The following TMEM132C variants were observed in gnomAD, a reference collection of about 807,000 sequenced individuals.
TMEM132C encodes transmembrane protein 132C, also known as protein phosphatase 1, regulatory subunit 152.
Under a neutral mutation model 61.4 loss-of-function variants are expected in TMEM132C, and 29 were observed. That is an observed-to-expected ratio of 0.47 (90% confidence interval 0.35 to 0.64). The LOEUF is 0.64. Among genes scored for constraint, TMEM132C ranks in the 30% least tolerant of loss-of-function variants. The pLI is 0.00. For missense variants in TMEM132C, 1,408 were observed against 1,476.9 expected (o/e 0.95, Z 0.76); for synonymous variants, 656 against 633.1 (o/e 1.04, Z -0.54).
At chr12:128,636,961 A>G (rs1954109126) in intron 4 of TMEM132C, among the ~76,000 whole-genome samples, 1 of 152,018 alleles carries the variant, frequency 6.6e-6, no homozygotes, top group African/African-American at 2.4e-5. Context: ...TGACTGAGTA[A>G]TATTCTACTG....
intron 2 of TMEM132C, among the ~76,000 whole-genome samples, chr12:128,478,294 ATT>A (rs975663121): frequency 6.6e-6 from 1 of 152,058 alleles, no homozygotes; most frequent in Non-Finnish European, 1.5e-5. Flanking sequence ...TTGTTTTTTT[ATT>A]TTTTTATTTT....
At chr12:128,575,433 G>T (rs149039821) in intron 3 of TMEM132C, among the ~76,000 whole-genome samples, 3,672 of 152,134 alleles carry the variant, frequency 0.024, 129 homozygotes, top group African/African-American at 0.075. Context: ...GGGCCAAGAT[G>T]GCGCCATTGC....
intron 2 of TMEM132C, among the ~76,000 whole-genome samples, chr12:128,509,807 A>C (rs1291920427): frequency 6.6e-6 from 1 of 152,152 alleles, no homozygotes; most frequent in African/African-American, 2.4e-5. Flanking sequence ...ACTCATTTTT[A>C]AAAATAAGGC....
chr12:128,324,832 A>T (rs910804775), intron 1 of TMEM132C, among the ~76,000 whole-genome samples: 5 of 152,178 alleles, frequency 3.3e-5, no homozygotes, highest in Admixed American at 2.6e-4. Context: ...TACCTCAAAA[A>T]AATTTTAAAA....
rs191622592 is a variant in TMEM132C at position 128,489,198 on chromosome 12, G to A, written c.975-54759G>A. ...TCCACCCCAGTCAGTACTGATGGGG[G>A]CGTTTTCCTGCTAGACGAGGGTGGA... On this transcript the variant is annotated intron_variant, in intron 2 of 8. Transcript: ENST00000435159. Among the ~76,000 whole-genome samples, 883 of 152,116 alleles carry A rather than the reference G, an allele frequency of 5.8e-3. 8 individuals are homozygous for A. The highest frequency in any genetic ancestry group is 0.02 in the African/African-American group (849 of 41,476).
At chr12:128,540,845 G>C (rs35005576) in intron 2 of TMEM132C, among the ~76,000 whole-genome samples, 69,346 of 151,246 alleles carry the variant, frequency 0.46, 18,451 homozygotes, top group Non-Finnish European at 0.6. Context: ...AATCGTCAGG[G>C]CCCGCGGGTC....
intron 5 of TMEM132C, among the ~76,000 whole-genome samples, chr12:128,672,551 A>G (rs1954542871): frequency 6.6e-6 from 1 of 152,186 alleles, no homozygotes; most frequent in African/African-American, 2.4e-5. Flanking sequence ...CAAACAGAAA[A>G]TTGCCTCCTG....
chr12:128,370,352 G>A (rs1392746493), intron 1 of TMEM132C, among the ~76,000 whole-genome samples: 4 of 152,146 alleles, frequency 2.6e-5, no homozygotes, highest in Admixed American at 2.6e-4. Flanking sequence ...AAATGTTCCT[G>A]TATGGGACAA....
At chr12:128,558,533 G>C (rs1874406282) in intron 3 of TMEM132C, among the ~76,000 whole-genome samples, 2 of 152,238 alleles carry the variant, frequency 1.3e-5, no homozygotes, top group African/African-American at 4.8e-5. Context: ...GCTGAACTGA[G>C]AGTCAATTAA....
chr12:128,600,861 C>A (rs1039353145), intron 3 of TMEM132C, among the ~76,000 whole-genome samples: 1 of 152,154 alleles, frequency 6.6e-6, no homozygotes, highest in Admixed American at 6.5e-5. Flanking sequence ...GTAGAGAAAG[C>A]CTTCTGTTTT....
intron 3 of TMEM132C, among the ~76,000 whole-genome samples, chr12:128,590,542 G>A (rs564146513): frequency 2.0e-5 from 3 of 152,124 alleles, no homozygotes; most frequent in Admixed American, 1.3e-4. Context: ...GAGGGACTCC[G>A]GGTCTCCCCC....
intron 1 of TMEM132C, among the ~76,000 whole-genome samples, chr12:128,359,060 A>G (rs968426889): frequency 2.6e-5 from 4 of 152,196 alleles, no homozygotes; most frequent in African/African-American, 7.2e-5. Flanking sequence ...AGATGAGAAA[A>G]TGGTGGTTCT....
chr12:128,274,249 G>A (rs555203756), intron 1 of TMEM132C, among the ~76,000 whole-genome samples: 32 of 152,152 alleles, frequency 2.1e-4, no homozygotes, highest in Non-Finnish European at 4.1e-4. Context: ...GGAATGTTGA[G>A]TTTACACTTG....
At chr12:128,448,999 C>T (rs986264968) in intron 2 of TMEM132C, among the ~76,000 whole-genome samples, 8 of 151,540 alleles carry the variant, frequency 5.3e-5, no homozygotes, top group African/African-American at 1.2e-4. Flanking sequence ...TAGCCAGGCG[C>T]GGTGGCGGGC....
intron 2 of TMEM132C, among the ~76,000 whole-genome samples, chr12:128,539,865 C>T (rs569941826): frequency 6.2e-4 from 94 of 152,250 alleles, no homozygotes; most frequent in South Asian, 8.3e-4. Context: ...TGTGTCTATT[C>T]TCATTCATTG....
intron 4 of TMEM132C, among the ~76,000 whole-genome samples, chr12:128,645,339 C>T (rs534788412): frequency 6.6e-6 from 1 of 152,252 alleles, no homozygotes; most frequent in South Asian, 2.1e-4. Flanking sequence ...GATGCAAGGA[C>T]AGAACAGAAG....
At chr12:128,530,410 A>G (rs1873246168) in intron 2 of TMEM132C, among the ~76,000 whole-genome samples, 1 of 151,944 alleles carries the variant, frequency 6.6e-6, no homozygotes, top group African/African-American at 2.4e-5. Flanking sequence ...ATCACTGAAT[A>G]CGGAGTTGAG....
intron 2 of TMEM132C, among the ~76,000 whole-genome samples, chr12:128,456,832 C>T (rs1315346367): frequency 1.3e-5 from 2 of 152,172 alleles, no homozygotes; most frequent in Non-Finnish European, 2.9e-5. Flanking sequence ...TGCTCCATGC[C>T]GAAGCAACCA....
At chr12:128,442,290 A>G (rs1869824242) in intron 2 of TMEM132C, among the ~76,000 whole-genome samples, 2 of 152,190 alleles carry the variant, frequency 1.3e-5, no homozygotes, top group Non-Finnish European at 2.9e-5. Context: ...ATGTTAAACT[A>G]GAGTTGAATG....
Sources: gnomAD v4.1 joint callset for allele counts (sites outside exome capture counted in the v4.1 genomes callset) on GRCh38, gnomAD v4.1.1 for gene constraint, MANE v1.5 for transcripts, NCBI Gene and HGNC (gene_info 2026-07-23, HGNC 2026-07-21) for gene names.